The following DMD variants were observed in gnomAD, a reference collection of about 807,000 sequenced individuals.
The protein encoded by DMD is mutant dystrophin.
In DMD, 63 loss-of-function variants were observed where a neutral mutation model predicts 330.1. The observed-to-expected ratio is 0.19, with a 90% confidence interval of 0.16 to 0.24. The LOEUF is 0.24. Among genes scored for constraint, DMD ranks in the 10% least tolerant of loss-of-function variants. DMD has a pLI of 1.00. For synonymous variants in DMD, 1,223 were observed against 959.8 expected (o/e 1.27, Z -5.07); for missense variants, 3,344 against 2,684.1 (o/e 1.25, Z -5.43).
rs12850308 is a variant in DMD, at chrX:33,272,712, T to C, written c.7+66547A>G. On this transcript the variant is annotated intron_variant, in intron 1 of 17. Coordinates refer to the DMD transcript ENST00000288447. ...CACAAGAAAATGACGCAGATTGTAA[T>C]TAGAGGTGGAGCTGTTTATGATCTG... Among the ~76,000 whole-genome samples the C allele has an allele frequency of 6.2e-3, 670 of 108,591 alleles. 1 individual carries two copies. Among genetic ancestry groups the C allele is most frequent in the South Asian group, 0.01 (26 of 2,513 alleles). The allele number at this position is 108,591 out of a possible 115,157, so 94.3% of individuals were successfully genotyped here.
In DMD at chrX:32,411,256, G is replaced by C. The variant is rs2098140720; in HGVS notation, c.4233+496C>G. Among the ~76,000 whole-genome samples, 3 of 110,801 alleles carry C rather than the reference G, an allele frequency of 2.7e-5. No homozygotes were observed. The South Asian group carries it at 1.1e-3, about 42-fold the overall frequency. On this transcript the variant is annotated intron_variant, in intron 30 of 78. Transcript: ENST00000357033. ...AGTGATTCTCCTGCCTCAGCCTCCCGAGTAGCTGGGATTACAGGCGCGTGC... is the reference window on the plus strand; with the variant it reads ...AGTGATTCTCCTGCCTCAGCCTCCCCAGTAGCTGGGATTACAGGCGCGTGC...
intron 42 of DMD, among the ~76,000 whole-genome samples, chrX:32,293,768 A>G (rs1156436458): frequency 9.0e-6 from 1 of 111,727 alleles, no homozygotes; most frequent in East Asian, 2.8e-4. Flanking sequence ...CATATCCCAA[A>G]TCTCAGCATC....
intron 1 of DMD, among the ~76,000 whole-genome samples, chrX:33,251,420 C>G (rs753330115): frequency 9.0e-6 from 1 of 111,604 alleles, no homozygotes; most frequent in South Asian, 3.7e-4. Context: ...AAGCAATGTA[C>G]TCATCCCAAA....
intron 20 of DMD, 68 bp from the exon 21 acceptor site, chrX:32,485,167 G>T: frequency 3.7e-6 from 4 of 1,074,458 alleles, no homozygotes; most frequent in Non-Finnish European, 5.2e-6. Context: ...GCAAAAGAAG[G>T]TATTAAAAAG....
chrX:32,173,105 G>GTGTGTA (rs1557190829), intron 44 of DMD, among the ~76,000 whole-genome samples: 1 of 104,468 alleles, frequency 9.6e-6, no homozygotes, highest in Non-Finnish European at 2.0e-5. Flanking sequence ...GTGTGTGTGT[G>GTGTGTA]TATGTGTGTA....
chrX:31,348,625 C>T lies in DMD; in HGVS notation c.9094G>A (p.Glu3032Lys), dbSNP rs72466562. ...TCATGCAGCTGCCTGACTCGGTCCT[C>T]GACGGCCACCTGGGAGGAAAAGGAG... is the stretch of plus-strand genomic sequence containing the variant. ...TRWKLLQVAV[E>K]DRVRQLHEAH... Residue 3032 changes from glutamate (E) to lysine (K), a missense_variant, in exon 61 of 79, where the codon GAG (glutamate) becomes AAG (lysine). Physicochemically the swap from Glu to Lys is moderately conservative, Grantham distance 56. Coordinates refer to ENST00000357033, the MANE Select transcript of DMD (RefSeq NM_004006.3). 25 of 1,207,096 alleles carry T rather than the reference C, an allele frequency of 2.1e-5. No homozygotes were observed. The highest frequency in any genetic ancestry group is 1.4e-4 in the South Asian group (8 of 56,362).
intron 1 of DMD, among the ~76,000 whole-genome samples, chrX:33,307,062 T>C (rs905390522): frequency 1.3e-4 from 15 of 111,605 alleles, no homozygotes; most frequent in African/African-American, 4.9e-4. Flanking sequence ...AGATTCCAAG[T>C]ATGTATTGGA....
At chrX:31,840,779 T>A (rs764096143) in intron 48 of DMD, among the ~76,000 whole-genome samples, 59 of 110,717 alleles carry the variant, frequency 5.3e-4, no homozygotes, top group Non-Finnish European at 8.9e-4. Flanking sequence ...CCACAAACAG[T>A]GCCCATATAG....
At chrX:32,920,988 A>T (rs1455665600) in intron 2 of DMD, among the ~76,000 whole-genome samples, 1 of 112,270 alleles carries the variant, frequency 8.9e-6, no homozygotes, top group Admixed American at 9.5e-5. Context: ...GCAAAATAAT[A>T]GCACAAGTTT....
chrX:32,151,928 G>A (rs775338778), intron 44 of DMD, among the ~76,000 whole-genome samples: 1 of 111,633 alleles, frequency 9.0e-6, no homozygotes, highest in South Asian at 3.7e-4. Flanking sequence ...TACTGACATA[G>A]TATCTAATAA....
At position 32,879,029 on chromosome X, in the gene DMD, AAAC is replaced by A. The variant is rs775520467; in HGVS notation, c.94-29212_94-29210del. Among the ~76,000 whole-genome samples the A allele has an allele frequency of 1.1e-3, 103 of 93,884 alleles. 4 individuals are homozygous for A. Among genetic ancestry groups the A allele is most frequent in the Non-Finnish European group, 1.9e-3 (87 of 45,740 alleles). 81.5% of individuals were successfully genotyped at this position (93,884 alleles called of 115,157 possible). On this transcript the variant is annotated intron_variant, in intron 2 of 78. Coordinates refer to ENST00000357033, the MANE Select transcript of DMD (RefSeq NM_004006.3). The stretch of plus-strand genomic sequence containing the variant: ...TCTCAAAAAAAAAACAAAAAACAAA[AAAC>A]AAACAAAAAAAAAACAACTAATATT...
At chrX:32,139,571 A>G (rs1391753178) in intron 44 of DMD, among the ~76,000 whole-genome samples, 1 of 112,521 alleles carries the variant, frequency 8.9e-6, no homozygotes, top group Admixed American at 9.5e-5. Context: ...ATGTCATAGA[A>G]TAACAGATAA....
At chrX:32,973,922 C>A (rs760582502) in intron 2 of DMD, among the ~76,000 whole-genome samples, 5 of 110,517 alleles carry the variant, frequency 4.5e-5, no homozygotes, top group Non-Finnish European at 7.6e-5. Flanking sequence ...AAAAAAGGCA[C>A]GTCCACTAAA....
chrX:31,583,097 A>G (rs1167504099), intron 55 of DMD, among the ~76,000 whole-genome samples: 1 of 112,346 alleles, frequency 8.9e-6, no homozygotes, highest in African/African-American at 3.2e-5. Flanking sequence ...TAGAGAAAAC[A>G]CTACTCAGTA....
At chrX:31,735,313 C>T (rs1238567709) in intron 51 of DMD, among the ~76,000 whole-genome samples, 1 of 111,317 alleles carries the variant, frequency 9.0e-6, no homozygotes, top group Non-Finnish European at 1.9e-5. Flanking sequence ...ATAGATATTT[C>T]CACTAATAAA....
chrX:32,762,237 G>T (rs1013615017), intron 7 of DMD, among the ~76,000 whole-genome samples: 1 of 110,454 alleles, frequency 9.1e-6, no homozygotes, highest in African/African-American at 3.3e-5. Flanking sequence ...GAGTGTTACT[G>T]AGTTAAGCAA....
intron 1 of DMD, among the ~76,000 whole-genome samples, chrX:33,124,303 T>C (rs1464227315): frequency 9.2e-6 from 1 of 108,137 alleles, no homozygotes; most frequent in Non-Finnish European, 1.9e-5. Flanking sequence ...TGGTGAAACC[T>C]CGGCTCTACT....
At chrX:32,665,225 A>G (rs920922737) in intron 9 of DMD, among the ~76,000 whole-genome samples, 2 of 111,956 alleles carry the variant, frequency 1.8e-5, no homozygotes, top group Non-Finnish European at 3.8e-5. Context: ...TGTTACCAAT[A>G]TATTATCAAA....
chrX:32,297,239 A>AT (rs769888091), intron 42 of DMD, among the ~76,000 whole-genome samples: 1 of 47,987 alleles, frequency 2.1e-5, no homozygotes, highest in African/African-American at 6.6e-5. Context: ...GTCATATTTT[A>AT]TTTATTTATT....
Sources: gnomAD v4.1 joint callset for allele counts (sites outside exome capture counted in the v4.1 genomes callset) on GRCh38, gnomAD v4.1.1 for gene constraint, MANE v1.5 for transcripts, NCBI Gene and HGNC (gene_info 2026-07-23, HGNC 2026-07-21) for gene names.